The following PIK3AP1 variants were observed in gnomAD, a reference collection of about 807,000 sequenced individuals.
PIK3AP1 encodes phosphoinositide-3-kinase adaptor protein 1, also known as phosphoinositide 3-kinase adapter protein 1.
A neutral mutation model predicts 88.1 loss-of-function variants in PIK3AP1; 21 were observed. The observed-to-expected ratio is 0.24, with a 90% CI of 0.17 to 0.34. PIK3AP1 has a LOEUF of 0.34. PIK3AP1 is among the 10% of genes least tolerant of loss of function. PIK3AP1 has a pLI of 1.00. For synonymous variants in PIK3AP1, 398 were observed against 400.0 expected (o/e 1.00, Z 0.06); for missense variants, 828 against 1,035.7 (o/e 0.80, Z 2.75).
chr10:96,673,929 C>A (rs771383809), intron 2 of PIK3AP1, among the ~76,000 whole-genome samples: 1 of 152,178 alleles, frequency 6.6e-6, no homozygotes, highest in East Asian at 1.9e-4. Context: ...CTTCGCATTC[C>A]GACCAGCTGA....
chr10:96,672,402 T>G (rs984185596), intron 2 of PIK3AP1, among the ~76,000 whole-genome samples: 1 of 152,122 alleles, frequency 6.6e-6, no homozygotes, highest in Non-Finnish European at 1.5e-5. Flanking sequence ...CATCAGGTAA[T>G]TCACCTGGCC....
intron 14 of PIK3AP1, among the ~76,000 whole-genome samples, chr10:96,607,897 C>T (rs1849029393): frequency 6.6e-6 from 1 of 152,098 alleles, no homozygotes; most frequent in Non-Finnish European, 1.5e-5. Flanking sequence ...TGTTTTAAGC[C>T]ACTACATTTT....
chr10:96,618,700 A>G (rs1447568955), intron 12 of PIK3AP1: 1 of 152,328 alleles, frequency 6.6e-6, no homozygotes, highest in Non-Finnish European at 1.5e-5. Flanking sequence ...CCCCTTTCAT[A>G]TGAGGCACAG....
chr10:96,673,492 C>A (rs979277786), intron 2 of PIK3AP1, among the ~76,000 whole-genome samples: 1 of 152,116 alleles, frequency 6.6e-6, no homozygotes, highest in Non-Finnish European at 1.5e-5. Context: ...GCAGGAGCTA[C>A]CACAGCCCCC....
chr10:96,688,630 C>G (rs1844108540), intron 2 of PIK3AP1, among the ~76,000 whole-genome samples: 1 of 152,074 alleles, frequency 6.6e-6, no homozygotes, highest in African/African-American at 2.4e-5. Flanking sequence ...GAAATCCCAT[C>G]TCTACTAAAA....
chr10:96,707,568 C>T (rs543779382), intron 2 of PIK3AP1, among the ~76,000 whole-genome samples: 4 of 152,324 alleles, frequency 2.6e-5, no homozygotes, highest in Admixed American at 2.0e-4. Flanking sequence ...GCTGGGATTA[C>T]AGGTGTGCAC....
Position 96,648,647 on chromosome 10 carries a change from C to CCTTG in PIK3AP1, c.1185+8_1185+11dup. The stretch of plus-strand genomic sequence containing the variant: ...CATTTCCAATCCTGGGCCCCTCCTG[C>CCTTG]CTTGACCTTACCACATACTCGTCGA... On this transcript the variant is annotated intron_variant, in intron 7 of 16. Coordinates refer to ENST00000339364, the MANE Select transcript of PIK3AP1 (RefSeq NM_152309.3). 1 of 1,598,976 alleles carries CCTTG rather than the reference C, an allele frequency of 6.3e-7. No homozygotes were observed.
At chr10:96,603,252 T>C (rs1848935450) in intron 15 of PIK3AP1, among the ~76,000 whole-genome samples, 1 of 152,242 alleles carries the variant, frequency 6.6e-6, no homozygotes, top group South Asian at 2.1e-4. Flanking sequence ...GTGCAGCCTC[T>C]ATCTAGTCTT....
At chr10:96,686,206 T>C (rs1380541112) in intron 2 of PIK3AP1, among the ~76,000 whole-genome samples, 1 of 152,242 alleles carries the variant, frequency 6.6e-6, no homozygotes, top group Non-Finnish European at 1.5e-5. Context: ...TTAATCACTC[T>C]GTTCCAAAGC....
intron 11 of PIK3AP1, 116 bp downstream of exon 11, chr10:96,623,356 C>G: frequency 9.8e-7 from 1 of 1,024,434 alleles, no homozygotes; most frequent in South Asian, 1.5e-5. Context: ...AGCCATGATG[C>G]CTGGCCTAGA....
chr10:96,628,299 C>A (rs1843180727), intron 9 of PIK3AP1, 99 bp downstream of exon 9: 1 of 1,015,098 alleles, frequency 9.9e-7, no homozygotes, highest in Admixed American at 1.7e-5. Context: ...TGCAGCAGCC[C>A]ATTCCTTGAG....
rs752466455 is a variant in PIK3AP1, at chr10:96,616,622, C to G, written c.2014+17G>C. 4.5e-5 allele frequency: 72 copies of G among 1,612,794 alleles called. No homozygotes were observed. Among genetic ancestry groups the G allele is most frequent in the Middle Eastern group, 1.6e-4 (1 of 6,084 alleles). ...AGCAATGTCCCACACAATGCAGCAC[C>G]CTAGGAAGCCACATACCTGTCTGCT... On this transcript the variant is annotated intron_variant, in intron 13 of 16. Coordinates refer to ENST00000339364, the MANE Select transcript of PIK3AP1 (RefSeq NM_152309.3).
At chr10:96,675,488 T>C (rs1589531245) in intron 2 of PIK3AP1, among the ~76,000 whole-genome samples, 2 of 152,150 alleles carry the variant, frequency 1.3e-5, no homozygotes, top group African/African-American at 4.8e-5. Flanking sequence ...AAAGCTATGA[T>C]GGATTCAGAG....
intron 2 of PIK3AP1, among the ~76,000 whole-genome samples, chr10:96,672,852 T>C (rs185623140): frequency 6.6e-6 from 1 of 152,342 alleles, no homozygotes; most frequent in African/African-American, 2.4e-5. Context: ...AAGGGTCAGC[T>C]GGAGTTGTCT....
intron 2 of PIK3AP1, among the ~76,000 whole-genome samples, chr10:96,666,827 A>G (rs1353622578): frequency 6.6e-6 from 1 of 152,008 alleles, no homozygotes; most frequent in Non-Finnish European, 1.5e-5. Flanking sequence ...GAAATTACCC[A>G]GCCAAGGTCA....
chr10:96,649,868 C>T (rs1445541456), intron 6 of PIK3AP1, among the ~76,000 whole-genome samples: 1 of 152,226 alleles, frequency 6.6e-6, no homozygotes, highest in Non-Finnish European at 1.5e-5. Context: ...CACCTACTGA[C>T]ATCTGAATAC....
intron 8 of PIK3AP1, among the ~76,000 whole-genome samples, chr10:96,629,632 C>A (rs901178937): frequency 7.2e-6 from 1 of 138,104 alleles, no homozygotes; most frequent in East Asian, 2.2e-4. Flanking sequence ...AATCCCAACA[C>A]TTTGGGAGGC....
At chr10:96,686,310 C>T (rs1481752919) in intron 2 of PIK3AP1, among the ~76,000 whole-genome samples, 1 of 152,170 alleles carries the variant, frequency 6.6e-6, no homozygotes, top group Non-Finnish European at 1.5e-5. Flanking sequence ...TCTCTGAGAG[C>T]CCACACTGTG....
intron 8 of PIK3AP1, chr10:96,633,156 CA>C: frequency 7.5e-7 from 1 of 1,338,406 alleles, no homozygotes; most frequent in Non-Finnish European, 1.0e-6. Flanking sequence ...CAGGAAAGCC[CA>C]AAGAATGCTG....
Sources: allele counts gnomAD v4.1 joint callset (sites outside exome capture counted in the v4.1 genomes callset), GRCh38; gene constraint gnomAD v4.1.1; transcripts MANE v1.5; gene names NCBI Gene and HGNC (gene_info 2026-07-23, HGNC 2026-07-21).